Variants in SOX6 observed in about 807,000 individuals in gnomAD.
The protein encoded by SOX6 is transcription factor SOX-6.
A neutral mutation model predicts 97.8 loss-of-function variants in SOX6; 11 were observed. That is an observed-to-expected ratio of 0.11 (90% CI 0.07 to 0.19). SOX6 has a LOEUF of 0.19. SOX6 is among the 10% of genes least tolerant of loss of function. The pLI, the probability that SOX6 is intolerant of heterozygous loss-of-function variation, is 1.00. For synonymous variants in SOX6, 360 were observed against 371.4 expected, an observed-to-expected ratio of 0.97 and a Z score of 0.35; for missense variants, 810 against 1,039.5, an observed-to-expected ratio of 0.78 and a Z score of 3.04.
At chr11:16,175,101 G>T (rs569631274) in intron 6 of SOX6, among the ~76,000 whole-genome samples, 2 of 151,918 alleles carry the variant, frequency 1.3e-5, no homozygotes, top group South Asian at 4.2e-4. Context: ...GATAATAATT[G>T]ATTATAGTAC....
At chr11:16,738,430 T>A in exon 1 of SOX6, 1 of 388,060 alleles carries the variant, frequency 2.6e-6, no homozygotes, top group East Asian at 5.2e-5. Flanking sequence ...CTCACCGCCA[T>A]ACACATCCGC....
intron 3 of SOX6, among the ~76,000 whole-genome samples, chr11:16,689,405 G>C (rs748515553): frequency 3.9e-5 from 6 of 152,218 alleles, no homozygotes; most frequent in Non-Finnish European, 8.8e-5. Flanking sequence ...TGGAACAACT[G>C]TAGGGCTCAT....
intron 9 of SOX6, among the ~76,000 whole-genome samples, chr11:16,066,563 T>C (rs1208536996): frequency 6.6e-6 from 1 of 152,180 alleles, no homozygotes; most frequent in Non-Finnish European, 1.5e-5. Flanking sequence ...TGGAGTACTA[T>C]TCAGTCATAT....
At chr11:16,580,144 C>T (rs1471268680) in intron 4 of SOX6, among the ~76,000 whole-genome samples, 1 of 152,046 alleles carries the variant, frequency 6.6e-6, no homozygotes, top group Non-Finnish European at 1.5e-5. Context: ...GATTCCTATG[C>T]CCTACCACAA....
intron 13 of SOX6, among the ~76,000 whole-genome samples, chr11:16,002,920 G>A (rs1294744006): frequency 2.6e-5 from 4 of 152,070 alleles, no homozygotes; most frequent in African/African-American, 7.2e-5. Context: ...AATCTTTATC[G>A]ATTGCCTTAG....
At chr11:16,278,647 A>G (rs571983088) in intron 3 of SOX6, among the ~76,000 whole-genome samples, 14 of 152,222 alleles carry the variant, frequency 9.2e-5, no homozygotes, top group Admixed American at 3.3e-4. Context: ...ATTAAAAAAA[A>G]AAGAAAGAAA....
chr11:16,573,089 T>A (rs911379238), intron 4 of SOX6, among the ~76,000 whole-genome samples: 1 of 152,144 alleles, frequency 6.6e-6, no homozygotes, highest in African/African-American at 2.4e-5. Context: ...ATATAATAGC[T>A]CCTGAAAGAA....
intron 4 of SOX6, among the ~76,000 whole-genome samples, chr11:16,588,419 C>T (rs566858579): frequency 1.6e-4 from 24 of 152,244 alleles, no homozygotes; most frequent in South Asian, 2.1e-4. Flanking sequence ...AATATACCAA[C>T]GAGTTAGAGA....
At chr11:16,125,779 T>C (rs1187054328) in intron 6 of SOX6, among the ~76,000 whole-genome samples, 1 of 143,206 alleles carries the variant, frequency 7.0e-6, no homozygotes, top group Non-Finnish European at 1.5e-5. Context: ...ATGGGAAATG[T>C]ATACATTGAA....
rs570615698 is a variant in SOX6, at chr11:16,147,356, G to A, written c.778-35433C>T. Reference sequence around the variant, plus strand: ...ATCACACACTGGGGCCTGTTGTGGGGTGGGGGAGGAGGGAAGGATAGCATT... The same window carrying A: ...ATCACACACTGGGGCCTGTTGTGGGATGGGGGAGGAGGGAAGGATAGCATT... On this transcript the variant is annotated intron_variant, in intron 6 of 15. Transcript: ENST00000683767. Among the ~76,000 whole-genome samples, 60 of 152,214 alleles carry A rather than the reference G, an allele frequency of 3.9e-4. 2 individuals carry two copies. The highest frequency in any genetic ancestry group is 1.5e-3 in the East Asian group (8 of 5,168).
At chr11:16,638,020 G>A (rs375031770) in intron 3 of SOX6, among the ~76,000 whole-genome samples, 2 of 149,888 alleles carry the variant, frequency 1.3e-5, no homozygotes, top group Non-Finnish European at 3.0e-5. Context: ...CCATTAAATC[G>A]TCATTTACAT....
At chr11:16,487,382 T>C (rs1297507975) in intron 4 of SOX6, among the ~76,000 whole-genome samples, 3 of 152,150 alleles carry the variant, frequency 2.0e-5, no homozygotes, top group East Asian at 1.9e-4. Context: ...TCTAGGGATA[T>C]AGGACAACAA....
At chr11:16,558,047 T>A (rs1427924536) in intron 4 of SOX6, among the ~76,000 whole-genome samples, 1 of 151,906 alleles carries the variant, frequency 6.6e-6, no homozygotes, top group Non-Finnish European at 1.5e-5. Flanking sequence ...CTACAACTTT[T>A]CCAACTATCA....
intron 3 of SOX6, among the ~76,000 whole-genome samples, chr11:16,678,342 A>G (rs1051491928): frequency 6.6e-6 from 1 of 152,146 alleles, no homozygotes; most frequent in African/African-American, 2.4e-5. Flanking sequence ...TTAACATGTT[A>G]TGTTTTCATT....
chr11:16,271,496 T>G (rs1291521582), intron 3 of SOX6, among the ~76,000 whole-genome samples: 2 of 151,478 alleles, frequency 1.3e-5, no homozygotes, highest in African/African-American at 4.8e-5. Context: ...CTGGGCCTAG[T>G]GCTTTAAGAG....
intron 3 of SOX6, among the ~76,000 whole-genome samples, chr11:16,616,188 C>A (rs1013803428): frequency 6.6e-6 from 1 of 151,970 alleles, no homozygotes; most frequent in African/African-American, 2.4e-5. Context: ...CATTTTAGCC[C>A]GCCTAGAAAA....
At chr11:16,063,089 T>G (rs1847998083) in intron 9 of SOX6, among the ~76,000 whole-genome samples, 1 of 151,680 alleles carries the variant, frequency 6.6e-6, no homozygotes. Context: ...ATCGATAAAT[T>G]TGACCAATCT....
At chr11:16,318,263 T>C in intron 3 of SOX6, 183 bp downstream of exon 3, 1 of 639,546 alleles carries the variant, frequency 1.6e-6, no homozygotes, top group Admixed American at 2.8e-5. Flanking sequence ...AACGGAGCTA[T>C]CTGTTTAACA....
chr11:16,505,586 A>C (rs2133147078), intron 4 of SOX6, among the ~76,000 whole-genome samples: 1 of 152,334 alleles, frequency 6.6e-6, no homozygotes, highest in Middle Eastern at 3.4e-3. Context: ...GAATTTGCAT[A>C]AGTTAAGAGG....
Sources: gnomAD v4.1 joint callset for allele counts (sites outside exome capture counted in the v4.1 genomes callset) on GRCh38, gnomAD v4.1.1 for gene constraint, MANE v1.5 for transcripts, NCBI Gene and HGNC (gene_info 2026-07-23, HGNC 2026-07-21) for gene names.